RIOK3: variants seen among roughly 807,000 people sequenced by gnomAD.
RIOK3 encodes the protein RIO kinase 3.
In RIOK3, 40 loss-of-function variants were observed where a neutral mutation model predicts 63.5. That is an observed-to-expected ratio of 0.63 (90% CI 0.49 to 0.82). The LOEUF (loss-of-function observed/expected upper bound fraction) is 0.82, where lower values mean the gene tolerates loss of function less well. Ranked by LOEUF, RIOK3 falls within the 40% of genes least tolerant of loss-of-function variation. RIOK3 has a pLI of 0.00. For synonymous variants in RIOK3, 193 were observed against 205.0 expected (o/e 0.94, Z 0.50); for missense variants, 557 against 637.0 (o/e 0.87, Z 1.35).
At chr18:23,474,581 T>G (rs1372050340) in intron 8 of RIOK3, among the ~76,000 whole-genome samples, 1 of 152,162 alleles carries the variant, frequency 6.6e-6, no homozygotes, top group East Asian at 1.9e-4. Flanking sequence ...CTATGTTGAT[T>G]GATATACATT....
chr18:23,461,768 C>A (rs892374174), intron 1 of RIOK3, among the ~76,000 whole-genome samples: 2 of 151,870 alleles, frequency 1.3e-5, no homozygotes, highest in African/African-American at 4.8e-5. Context: ...GTTTTAAGAG[C>A]CTGTTTCTCA....
In RIOK3 at chr18:23,477,030, T is replaced by G. The variant is rs1387593800; in HGVS notation, c.1198T>G (p.Cys400Gly). The change falls in exon 10 of 13, where the codon TGT (cysteine) becomes GGT (glycine). Residue 400 changes from cysteine (C) to glycine (G), a missense_variant. Around this residue, in one of 3 missense-constraint regions of RIOK3, gnomAD observed 309 missense variants for 338.7 expected, o/e 0.91. Coordinates refer to ENST00000339486, the MANE Select transcript of RIOK3 (RefSeq NM_003831.5). Reference protein sequence around the residue: ...LHLMRQLYHECTLVHADLSEY... With the variant: ...LHLMRQLYHEGTLVHADLSEY... Reference sequence around the variant, plus strand: ...GTTGATGCGGCAGTTATATCATGAATGTACGCTTGTCCATGCTGACCTCAG... The same window carrying G: ...GTTGATGCGGCAGTTATATCATGAAGGTACGCTTGTCCATGCTGACCTCAG... The G allele has an allele frequency of 6.2e-7, 1 of 1,613,892 alleles. No homozygotes were observed. The highest frequency in any genetic ancestry group is 8.5e-7 in the Non-Finnish European group (1 of 1,179,910).
At chr18:23,463,101 T>A in intron 2 of RIOK3, 22 bp downstream of exon 2, 1 of 1,449,310 alleles carries the variant, frequency 6.9e-7, no homozygotes, top group Non-Finnish European at 9.6e-7. Context: ...TCACAAATAC[T>A]TTATCTAGCA....
intron 11 of RIOK3, 115 bp from the exon 12 acceptor site, chr18:23,479,198 TGTGC>T: frequency 1.6e-6 from 1 of 626,636 alleles, no homozygotes; most frequent in Non-Finnish European, 2.9e-6. Flanking sequence ...TGTGTGTGTG[TGTGC>T]GTGTGCACAC....
Position 23,482,818 on chromosome 18 carries a change from A to G in RIOK3, c.*1539A>G, listed in dbSNP as rs1484903949. ...TTTTAACATTATTTTAAAATGCCAA[A>G]TATGTTCTTTCTAGAAAAATATTTA... On this transcript the variant is annotated 3_prime_UTR_variant, in exon 13 of 13. Coordinates refer to ENST00000339486, the MANE Select transcript of RIOK3 (RefSeq NM_003831.5). 1 of 152,178 alleles carries G rather than the reference A, an allele frequency of 6.6e-6. No homozygotes were observed. The allele number at this position is 152,178 out of a possible 1,614,324, so 9.4% of individuals were successfully genotyped here. A position where few individuals can be genotyped will look rare whatever the true frequency, so the allele number is the denominator to read the frequency against.
chr18:23,464,394 A>G (rs1158157085), intron 4 of RIOK3, 81 bp downstream of exon 4: 2 of 1,216,104 alleles, frequency 1.6e-6, no homozygotes, highest in African/African-American at 1.5e-5. Flanking sequence ...TTTTAGTTTT[A>G]TATTTTTCTT....
intron 1 of RIOK3, among the ~76,000 whole-genome samples, chr18:23,456,004 G>T (rs561438711): frequency 1.8e-4 from 28 of 152,144 alleles, no homozygotes; most frequent in Admixed American, 1.3e-3. Context: ...CACCATGTTG[G>T]CCAGGATGGT....
Position 23,467,542 on chromosome 18 carries a change from A to G in RIOK3, c.815+16A>G. ...ATGGAGGGAGGTAAATGAGCAAAAT[A>G]TGATACCATGATATGAAAACTTAGT... is the stretch of plus-strand genomic sequence containing the variant. On this transcript the variant is annotated intron_variant, in intron 7 of 12. Transcript: ENST00000339486. 6.2e-7 allele frequency: 1 copy of G among 1,607,250 alleles called. No individual in the cohort carries two copies. The highest frequency in any genetic ancestry group is 2.2e-5 in the East Asian group (1 of 44,718).
At position 23,481,466 on chromosome 18, in the gene RIOK3, T is replaced by C. The variant is rs1392522253; in HGVS notation, c.*187T>C. 3 of 483,624 alleles carry C rather than the reference T, an allele frequency of 6.2e-6. No homozygotes were observed. The highest frequency in any genetic ancestry group is 1.1e-5 in the Non-Finnish European group (3 of 276,002). 30.0% of individuals were successfully genotyped at this position (483,624 alleles called of 1,614,324 possible). A position where few individuals can be genotyped will look rare whatever the true frequency, so the allele number is the denominator to read the frequency against. ...AGCTCAGCATTGAGAGAATAAAATG[T>C]CACTACCTCTCATCTTATGAACAGG... On this transcript the variant is annotated 3_prime_UTR_variant, in exon 13 of 13. Coordinates refer to ENST00000339486, the MANE Select transcript of RIOK3 (RefSeq NM_003831.5).
intron 1 of RIOK3, among the ~76,000 whole-genome samples, chr18:23,455,938 C>T (rs2145665888): frequency 6.6e-6 from 1 of 152,274 alleles, no homozygotes; most frequent in South Asian, 2.1e-4. Context: ...GCTGGGACTA[C>T]AGGTGCATGC....
Position 23,467,437 on chromosome 18 carries a change from T to C in RIOK3, c.726T>C (p.Tyr242=). The change falls in exon 7 of 13, where the codon TAT becomes TAC. Residue 242 remains tyrosine, a synonymous_variant. Coordinates refer to ENST00000339486, the MANE Select transcript of RIOK3 (RefSeq NM_003831.5). ...ATCCTAAGACACGTTTACTTATGTATAAAATGGTCAACTCTGGAATGTTGG... is the reference window on the plus strand; with the variant it reads ...ATCCTAAGACACGTTTACTTATGTACAAAATGGTCAACTCTGGAATGTTGG... ...AVDPKTRLLM[Y]KMVNSGMLET... is the part of the protein sequence containing the mutation. The C allele has an allele frequency of 6.2e-7, 1 of 1,613,366 alleles. No individual in the cohort carries two copies. Among genetic ancestry groups the C allele is most frequent in the Non-Finnish European group, 8.5e-7 (1 of 1,179,446 alleles).
intron 7 of RIOK3, among the ~76,000 whole-genome samples, chr18:23,469,579 C>T (rs1338632510): frequency 1.3e-5 from 2 of 150,980 alleles, no homozygotes; most frequent in African/African-American, 4.9e-5. Flanking sequence ...CCTCTACCTC[C>T]CAAGTTCAAG....
At chr18:23,478,656 T>A (rs2057510754) in intron 11 of RIOK3, among the ~76,000 whole-genome samples, 1 of 132,350 alleles carries the variant, frequency 7.6e-6, no homozygotes, top group African/African-American at 2.8e-5. Context: ...TATATATATA[T>A]ATGGTAAAAT....
Position 23,482,886 on chromosome 18 carries a change from G to T in RIOK3, c.*1607G>T, listed in dbSNP as rs955585425. On this transcript the variant is annotated 3_prime_UTR_variant, in exon 13 of 13. Coordinates refer to ENST00000339486, the MANE Select transcript of RIOK3 (RefSeq NM_003831.5). ...TAGCTTTTAATTACATTTCAGAGAG[G>T]TGTAATTTTGGGTAGATGCTCATTA... 3.9e-5 allele frequency: 6 copies of T among 152,154 alleles called. No homozygotes were observed. The highest frequency in any genetic ancestry group is 1.4e-4 in the African/African-American group (6 of 41,432). 9.4% of individuals were successfully genotyped at this position (152,154 alleles called of 1,614,324 possible). A position where few individuals can be genotyped will look rare whatever the true frequency, so the allele number is the denominator to read the frequency against.
chr18:23,454,887 C>T (rs1598800267), intron 1 of RIOK3, among the ~76,000 whole-genome samples: 1 of 152,118 alleles, frequency 6.6e-6, no homozygotes, highest in African/African-American at 2.4e-5. Context: ...TTTCTCTAAC[C>T]TTTTGGAAAA....
Position 23,473,510 on chromosome 18 carries a change from T to TG in RIOK3, c.897_898insG (p.Lys300GlufsTer4). 6.2e-7 allele frequency: 1 copy of TG among 1,612,828 alleles called. No homozygotes were observed. The highest frequency in any genetic ancestry group is 1.1e-5 in the South Asian group (1 of 91,020). On this transcript the variant is annotated frameshift_variant, in exon 8 of 13. Coordinates refer to ENST00000339486, the MANE Select transcript of RIOK3 (RefSeq NM_003831.5). LOFTEE classifies it high-confidence loss of function. Reference sequence around the variant, plus strand: ...TATTTAAAACAACCCTTAATGAATTTAAGAATCGTGACAAATATATTAAAG... The same window carrying TG: ...TATTTAAAACAACCCTTAATGAATTTGAAGAATCGTGACAAATATATTAAAG...
chr18:23,457,246 A>G (rs1181162664), intron 1 of RIOK3, among the ~76,000 whole-genome samples: 4 of 152,188 alleles, frequency 2.6e-5, no homozygotes, highest in Admixed American at 2.0e-4. Flanking sequence ...TTCCAAGAAG[A>G]GAGGATTGGC....
At chr18:23,468,442 A>G (rs1308009225) in intron 7 of RIOK3, among the ~76,000 whole-genome samples, 1 of 151,676 alleles carries the variant, frequency 6.6e-6, no homozygotes, top group East Asian at 2.0e-4. Context: ...AGCTGGGATT[A>G]CAGGCACGCA....
rs374984418 is a variant in RIOK3 at position 23,475,941 on chromosome 18, CTTTT to C, written c.1173+853_1173+856del. Among the ~76,000 whole-genome samples the C allele has an allele frequency of 4.0e-3, 318 of 80,034 alleles. 2 individuals carry two copies. The highest frequency in any genetic ancestry group is 0.013 in the African/African-American group (272 of 21,554). The allele number at this position is 80,034 out of a possible 152,430, so 52.5% of individuals were successfully genotyped here. A position where few individuals can be genotyped will look rare whatever the true frequency, so the allele number is the denominator to read the frequency against. ...TCATGAATGTTATAGTTTTTTGGGG[CTTTT>C]TTTTTTTTTTTTTTTTTTCAAATAA... On this transcript the variant is annotated intron_variant, in intron 9 of 12. Transcript: ENST00000339486.
Sources: allele counts gnomAD v4.1 joint callset (sites outside exome capture counted in the v4.1 genomes callset), GRCh38; gene constraint gnomAD v4.1.1; regional missense constraint gnomAD v4.1.1; transcripts MANE v1.5; gene names NCBI Gene and HGNC (gene_info 2026-07-23, HGNC 2026-07-21).